The following ANKRD42 variants were observed in gnomAD, a reference collection of about 807,000 sequenced individuals.
ANKRD42 encodes the protein ankyrin repeat domain 42, also known as ankyrin repeat domain-containing protein 42.
In ANKRD42, 43 loss-of-function variants were observed where a neutral mutation model predicts 51.5. That is an observed-to-expected ratio of 0.83 (90% CI 0.65 to 1.08). The LOEUF (loss-of-function observed/expected upper bound fraction) is 1.08. Among genes scored for constraint, ANKRD42 ranks in the 50% least tolerant of loss-of-function variants. The pLI is 0.00. For synonymous variants in ANKRD42, 203 were observed against 213.0 expected (o/e 0.95, Z 0.41); for missense variants, 608 against 629.3 (o/e 0.97, Z 0.36).
At chr11:83,197,568 G>A (rs1462882937) in intron 1 of ANKRD42, among the ~76,000 whole-genome samples, 1 of 152,188 alleles carries the variant, frequency 6.6e-6, no homozygotes, top group Non-Finnish European at 1.5e-5. Flanking sequence ...CAGATCATTT[G>A]CCAGATGTGT....
rs191110942 is a variant in ANKRD42 at position 83,221,950 on chromosome 11, A to G, written c.587-2905A>G. 1.5e-3 allele frequency among the ~76,000 whole-genome samples: 222 copies of G among 152,324 alleles called. 1 individual carries two copies. The highest frequency in any genetic ancestry group is 2.4e-3 in the Admixed American group (36 of 15,292). On this transcript the variant is annotated intron_variant, in intron 5 of 10. Coordinates refer to ENST00000533342, the MANE Select transcript of ANKRD42 (RefSeq NM_001300975.2). ...TTGAGATAGGGACAGGTCTTCTGCC[A>G]GGGAGCCCAAGATGATAGGGAAGCT...
At chr11:83,198,738 G>A (rs779584981) in intron 2 of ANKRD42, 96 bp downstream of exon 2, 27 of 1,130,846 alleles carry the variant, frequency 2.4e-5, no homozygotes, top group Non-Finnish European at 3.1e-5. Context: ...GGTAGGTACT[G>A]CATATATTTT....
In ANKRD42 at chr11:83,204,091, C is replaced by T. The variant is rs571977734; in HGVS notation, c.223-1967C>T. On this transcript the variant is annotated intron_variant, in intron 2 of 10. Transcript: ENST00000533342. ...TTGAGTGGCTGGTACTGCAGGTGCC[C>T]GCCACCACGCCTGTCTAATTTTTGT... Among the ~76,000 whole-genome samples, 231 of 152,108 alleles carry T rather than the reference C, an allele frequency of 1.5e-3. 1 individual carries two copies. Among genetic ancestry groups the T allele is most frequent in the African/African-American group, 5.3e-3 (220 of 41,490 alleles).
At chr11:83,246,663 T>C (rs1267170561) in intron 10 of ANKRD42, among the ~76,000 whole-genome samples, 1 of 152,174 alleles carries the variant, frequency 6.6e-6, no homozygotes, top group African/African-American at 2.4e-5. Context: ...TTTCCTTTGG[T>C]CGTGTCTTGT....
In ANKRD42 at chr11:83,206,182, T is replaced by C. The variant is rs186158247; in HGVS notation, c.330+17T>C. 7.5e-5 allele frequency: 117 copies of C among 1,561,972 alleles called. No individual in the cohort carries two copies. In the African/African-American group the frequency reaches 1.3e-3, roughly 17 times the overall value. ...TGTGTACAGGTAATAATATTACTTTTTTCAGTAAGTTCAATTACTTTAACA... is the reference window on the plus strand; with the variant it reads ...TGTGTACAGGTAATAATATTACTTTCTTCAGTAAGTTCAATTACTTTAACA... On this transcript the variant is annotated intron_variant, in intron 3 of 10. Coordinates refer to ENST00000533342, the MANE Select transcript of ANKRD42 (RefSeq NM_001300975.2).
downstream of ANKRD42, chr11:83,261,736 A>C (rs1259401462): frequency 6.0e-6 from 3 of 498,200 alleles, no homozygotes; most frequent in East Asian, 9.6e-5. Context: ...ACTCACACAC[A>C]CACAATAAAG....
intron 7 of ANKRD42, among the ~76,000 whole-genome samples, chr11:83,230,660 C>G (rs1466710560): frequency 6.6e-6 from 1 of 151,980 alleles, no homozygotes; most frequent in Non-Finnish European, 1.5e-5. Flanking sequence ...GATCTCTGCT[C>G]ACCGCAACCT....
In ANKRD42 at chr11:83,193,767, G is replaced by A; in HGVS notation, c.-904G>A. 2.3e-6 allele frequency: 1 copy of A among 443,838 alleles called. No homozygotes were observed. Among genetic ancestry groups the A allele is most frequent in the Non-Finnish European group, 4.5e-6 (1 of 221,184 alleles). 27.5% of individuals were successfully genotyped at this position (443,838 alleles called of 1,614,324 possible). A position where few individuals can be genotyped will look rare whatever the true frequency, so the allele number is the denominator to read the frequency against. The stretch of plus-strand genomic sequence containing the variant: ...TCTCCAGCCAAGTGGCTGGAGTCGG[G>A]AGGCTGGAAAGAGACTCCGAGAAAG... On this transcript the variant is annotated 5_prime_UTR_variant, in exon 1 of 11. Coordinates refer to ENST00000533342, the MANE Select transcript of ANKRD42 (RefSeq NM_001300975.2).
intron 7 of ANKRD42, among the ~76,000 whole-genome samples, chr11:83,229,385 A>C (rs1020204899): frequency 6.6e-6 from 1 of 152,148 alleles, no homozygotes; most frequent in African/African-American, 2.4e-5. Flanking sequence ...AATTCCTCCT[A>C]TAACACATCC....
At chr11:83,227,620 T>G (rs940001328) in intron 6 of ANKRD42, 127 bp from the exon 7 acceptor site, 1 of 896,642 alleles carries the variant, frequency 1.1e-6, no homozygotes, top group Non-Finnish European at 1.7e-6. Context: ...AGTCATCAAC[T>G]GAACTCATCC....
In ANKRD42 at chr11:83,248,064, C is replaced by G. The variant is rs1254814563; in HGVS notation, c.1444C>G (p.Gln482Glu). 4 of 1,591,712 alleles carry G rather than the reference C, an allele frequency of 2.5e-6. No homozygotes were observed. Among genetic ancestry groups the G allele is most frequent in the East Asian group, 2.3e-5 (1 of 43,722 alleles). The stretch of plus-strand genomic sequence containing the variant: ...ACTCAGGGAAACACTGGAAAAAATT[C>G]AAGTCCCAAACTTTGTGGCTATGGT... ...DQLRETLEKI[Q>E]VPNFVAMVGV... Residue 482 changes from glutamine (Q) to glutamate (E), a missense_variant, in exon 11 of 11, where the codon CAA (glutamine) becomes GAA (glutamate). By Grantham distance (29) the Gln-to-Glu change is conservative. Transcript: ENST00000533342.
intron 2 of ANKRD42, among the ~76,000 whole-genome samples, chr11:83,202,765 A>C (rs1281339182): frequency 1.3e-5 from 2 of 152,156 alleles, no homozygotes; most frequent in Non-Finnish European, 2.9e-5. Context: ...TATAACTTTA[A>C]ATTTTATTCT....
chr11:83,241,982 T>A (rs1863400201), intron 9 of ANKRD42, among the ~76,000 whole-genome samples: 1 of 152,166 alleles, frequency 6.6e-6, no homozygotes, highest in Non-Finnish European at 1.5e-5. Context: ...AAATTAGAAT[T>A]GTACAAGAGC....
intron 5 of ANKRD42, chr11:83,212,940 A>G (rs1862380941): frequency 6.6e-7 from 1 of 1,518,966 alleles, no homozygotes; most frequent in African/African-American, 1.4e-5. Context: ...TTGAAGTCTC[A>G]AAAAACAAAA....
chr11:83,208,456 T>C (rs1382699603), intron 3 of ANKRD42, among the ~76,000 whole-genome samples: 1 of 152,144 alleles, frequency 6.6e-6, no homozygotes, highest in African/African-American at 2.4e-5. Context: ...AATGAGATAA[T>C]GAAAACAGTA....
chr11:83,203,250 C>T (rs760830853), intron 2 of ANKRD42, among the ~76,000 whole-genome samples: 1 of 152,096 alleles, frequency 6.6e-6, no homozygotes, highest in Non-Finnish European at 1.5e-5. Context: ...TTGTCTTGGC[C>T]TCCCAATAGG....
downstream of ANKRD42, among the ~76,000 whole-genome samples, chr11:83,251,259 G>A (rs76003977): frequency 0.022 from 3,402 of 152,120 alleles, 112 homozygotes; most frequent in African/African-American, 0.077. Context: ...CTGGTCACAC[G>A]TGATCTCTCC....
At chr11:83,217,953 G>C (rs1027739041) in intron 5 of ANKRD42, among the ~76,000 whole-genome samples, 1 of 152,140 alleles carries the variant, frequency 6.6e-6, no homozygotes, top group African/African-American at 2.4e-5. Context: ...CCCTGTTACA[G>C]AACACCGAGG....
downstream of ANKRD42, among the ~76,000 whole-genome samples, chr11:83,250,723 C>A (rs1025646390): frequency 6.6e-6 from 1 of 152,116 alleles, no homozygotes. Context: ...AGACCAGATT[C>A]TCTCCCCTAT....
Sources: allele counts gnomAD v4.1 joint callset (sites outside exome capture counted in the v4.1 genomes callset), GRCh38; gene constraint gnomAD v4.1.1; transcripts MANE v1.5; gene names NCBI Gene and HGNC (gene_info 2026-07-23, HGNC 2026-07-21).